EDA: variants seen among roughly 807,000 people sequenced by gnomAD.
EDA encodes ectodysplasin A, also known as ectodysplasin-A.
In EDA, 2 loss-of-function variants were observed where a neutral mutation model predicts 23.6. That is an observed-to-expected ratio of 0.08 (90% CI 0.03 to 0.27). The LOEUF is 0.27. Among genes scored for constraint, EDA ranks in the 10% least tolerant of loss-of-function variants. The pLI is 1.00. For missense variants in EDA, 229 were observed against 324.2 expected (o/e 0.71, Z 2.26); for synonymous variants, 131 against 132.0 (o/e 0.99, Z 0.05).
At chrX:69,683,686 TA>T (rs201320912) in intron 1 of EDA, among the ~76,000 whole-genome samples, 1,558 of 111,936 alleles carry the variant, frequency 0.014, 20 homozygotes, top group African/African-American at 0.046. Flanking sequence ...CTTGTGATGC[TA>T]GTATAATGCC....
At chrX:69,734,772 T>A (rs1238606044) in intron 1 of EDA, among the ~76,000 whole-genome samples, 1 of 112,043 alleles carries the variant, frequency 8.9e-6, no homozygotes, top group Non-Finnish European at 1.9e-5. Flanking sequence ...TAGTTTAATT[T>A]CATTGTGTTA....
At chrX:69,661,018 A>G (rs1167307397) in intron 1 of EDA, among the ~76,000 whole-genome samples, 1 of 110,497 alleles carries the variant, frequency 9.1e-6, no homozygotes, top group Non-Finnish European at 1.9e-5. Context: ...TTGTTTCCTG[A>G]CTTTTTAATG....
intron 1 of EDA, among the ~76,000 whole-genome samples, chrX:69,846,762 T>C (rs1010244152): frequency 1.1e-4 from 12 of 111,586 alleles, no homozygotes; most frequent in Non-Finnish European, 2.3e-4. Flanking sequence ...CCCAGGAATA[T>C]TTGGAGGAAC....
chrX:69,701,840 A>G (rs1242289285), intron 1 of EDA, among the ~76,000 whole-genome samples: 1 of 111,544 alleles, frequency 9.0e-6, no homozygotes, highest in Non-Finnish European at 1.9e-5. Flanking sequence ...TCTCGATGGC[A>G]GCATCCAAGG....
At chrX:69,886,293 C>T (rs777799969) in intron 1 of EDA, among the ~76,000 whole-genome samples, 1 of 111,841 alleles carries the variant, frequency 8.9e-6, no homozygotes, top group Non-Finnish European at 1.9e-5. Flanking sequence ...CCATCAGTGA[C>T]CTTGCAGGCG....
intron 1 of EDA, among the ~76,000 whole-genome samples, chrX:69,728,563 A>C (rs1298874254): frequency 8.9e-6 from 1 of 112,411 alleles, no homozygotes; most frequent in Non-Finnish European, 1.9e-5. Flanking sequence ...AGAAAGGGAT[A>C]GAGTAACAGA....
At chrX:69,782,978 A>G (rs757507456) in intron 1 of EDA, among the ~76,000 whole-genome samples, 1 of 112,084 alleles carries the variant, frequency 8.9e-6, no homozygotes, top group African/African-American at 3.2e-5. Context: ...TCTATGGATC[A>G]TTCACCAGGT....
intron 1 of EDA, among the ~76,000 whole-genome samples, chrX:69,694,640 G>C (rs997993144): frequency 8.9e-6 from 1 of 111,926 alleles, no homozygotes; most frequent in African/African-American, 3.2e-5. Flanking sequence ...TTAAAGGCCT[G>C]TTGAGAGTTC....
chrX:69,867,500 A>G, intron 1 of EDA, among the ~76,000 whole-genome samples: 1 of 112,367 alleles, frequency 8.9e-6, no homozygotes, highest in East Asian at 2.8e-4. Flanking sequence ...GCTACAGCCC[A>G]CAAATCAGTG....
At chrX:69,956,999 T>G in intron 1 of EDA, 28 bp from the exon 2 acceptor site, 1 of 1,182,380 alleles carries the variant, frequency 8.5e-7, no homozygotes, top group Non-Finnish European at 1.2e-6. Context: ...GGGTCAACCT[T>G]TGACTAATGT....
At chrX:69,802,683 C>G (rs1194340682) in intron 1 of EDA, among the ~76,000 whole-genome samples, 1 of 111,176 alleles carries the variant, frequency 9.0e-6, no homozygotes, top group East Asian at 2.8e-4. Context: ...AAAATTGGAA[C>G]AGCTTTTATG....
At chrX:69,897,926 G>C (rs185786571) in intron 1 of EDA, among the ~76,000 whole-genome samples, 6,729 of 111,948 alleles carry the variant, frequency 0.06, 205 homozygotes, top group Middle Eastern at 0.092. Flanking sequence ...AAGCAGATCT[G>C]TATTGTATCA....
chrX:69,631,545 A>AC (rs1210785716), intron 1 of EDA, among the ~76,000 whole-genome samples: 1 of 108,787 alleles, frequency 9.2e-6, no homozygotes, highest in African/African-American at 3.4e-5. Flanking sequence ...TCCAACAAGA[A>AC]CCCCCGGTTA....
chrX:69,638,762 T>A (rs1932805885), intron 1 of EDA, among the ~76,000 whole-genome samples: 1 of 111,998 alleles, frequency 8.9e-6, no homozygotes, highest in African/African-American at 3.2e-5. Flanking sequence ...TATTTCTTAT[T>A]GTGGTAAAAT....
In EDA at chrX:70,023,478, C is replaced by CTTTTTTTTTTTTTT. The variant is rs754981946; in HGVS notation, c.526+252_526+265dup. Among the ~76,000 whole-genome samples, 51 of 33,488 alleles carry CTTTTTTTTTTTTTT rather than the reference C, an allele frequency of 1.5e-3. 5 individuals are homozygous for CTTTTTTTTTTTTTT. Among genetic ancestry groups the CTTTTTTTTTTTTTT allele is most frequent in the East Asian group, 5.3e-3 (4 of 750 alleles). 29.1% of individuals were successfully genotyped at this position (33,488 alleles called of 115,157 possible). ...TCTTCTCCCTGCCCTTCTTTTTATTCTTTTTTTTTTTTTTTTTTTTTTTTT... is the reference window on the plus strand; with the variant it reads ...TCTTCTCCCTGCCCTTCTTTTTATTCTTTTTTTTTTTTTTTTTTTTTTTTTTTTTTTTTTTTTTT... On this transcript the variant is annotated intron_variant, in intron 3 of 7. Coordinates refer to ENST00000374552, the MANE Select transcript of EDA (RefSeq NM_001399.5).
At chrX:69,998,145 C>T (rs187721132) in intron 2 of EDA, among the ~76,000 whole-genome samples, 1,175 of 111,855 alleles carry the variant, frequency 0.011, 14 homozygotes, top group African/African-American at 0.036. Flanking sequence ...CTGGAAAAGC[C>T]ACAGACACTC....
chrX:69,786,624 G>A (rs1457813578), intron 1 of EDA, among the ~76,000 whole-genome samples: 1 of 109,606 alleles, frequency 9.1e-6, no homozygotes, highest in Non-Finnish European at 1.9e-5. Flanking sequence ...TTAATCCTGA[G>A]TTCTAGTTTG....
chrX:69,918,145 C>G (rs1180466182), intron 1 of EDA, among the ~76,000 whole-genome samples: 1 of 97,539 alleles, frequency 1.0e-5, no homozygotes, highest in Non-Finnish European at 2.0e-5. Context: ...TACCCCATCC[C>G]CTGCTTTTTT....
At chrX:69,706,058 G>C (rs142841074) in intron 1 of EDA, among the ~76,000 whole-genome samples, 3 of 111,793 alleles carry the variant, frequency 2.7e-5, no homozygotes, top group Non-Finnish European at 3.8e-5. Flanking sequence ...CCTTTCTTCC[G>C]GTGCAGAGAC....
Sources: allele counts gnomAD v4.1 joint callset (sites outside exome capture counted in the v4.1 genomes callset), GRCh38; gene constraint gnomAD v4.1.1; transcripts MANE v1.5; gene names NCBI Gene and HGNC (gene_info 2026-07-23, HGNC 2026-07-21).